The following OSBPL10 variants were observed in gnomAD, a reference collection of about 807,000 sequenced individuals.
OSBPL10 encodes the protein oxysterol binding protein like 10.
In OSBPL10, 49 loss-of-function variants were observed where a neutral mutation model predicts 81.7. The ratio of observed to expected loss-of-function variants is 0.60; its 90% CI spans 0.48 to 0.76. The LOEUF (loss-of-function observed/expected upper bound fraction) is 0.76, where lower values mean the gene tolerates loss of function less well. OSBPL10 is among the 30% of genes least tolerant of loss of function. OSBPL10 has a pLI of 0.00. For missense variants in OSBPL10, 923 were observed against 987.8 expected (o/e 0.93, Z 0.88); for synonymous variants, 419 against 383.6 (o/e 1.09, Z -1.08).
intron 3 of OSBPL10, among the ~76,000 whole-genome samples, chr3:31,854,037 G>C (rs57404809): frequency 0.016 from 2,407 of 152,152 alleles, 53 homozygotes; most frequent in African/African-American, 0.055. Flanking sequence ...TTTTGATCAA[G>C]TTTGATAGAT....
chr3:32,070,822 T>C (rs1699823356), intron 1 of OSBPL10, among the ~76,000 whole-genome samples: 1 of 152,058 alleles, frequency 6.6e-6, no homozygotes, highest in Non-Finnish European at 1.5e-5. Context: ...ATTCCGTTCT[T>C]GATCTTAAAG....
chr3:31,969,454 C>T (rs563854826), intron 1 of OSBPL10: 1 of 152,188 alleles, frequency 6.6e-6, no homozygotes, highest in South Asian at 2.1e-4. Context: ...GAACACAACC[C>T]ATGCACAGAA....
At chr3:32,032,763 T>C (rs1446713321) in intron 2 of OSBPL10, among the ~76,000 whole-genome samples, 3 of 152,226 alleles carry the variant, frequency 2.0e-5, no homozygotes, top group Non-Finnish European at 4.4e-5. Context: ...GTTTCTAGGA[T>C]AACGAATTGT....
chr3:31,955,269 T>G (rs916669117), intron 1 of OSBPL10, among the ~76,000 whole-genome samples: 2 of 152,264 alleles, frequency 1.3e-5, no homozygotes, highest in Non-Finnish European at 2.9e-5. Flanking sequence ...ATATGCCATC[T>G]GGTCTTACCA....
chr3:31,758,439 C>G (rs137855335), intron 4 of OSBPL10, among the ~76,000 whole-genome samples: 1,965 of 152,276 alleles, frequency 0.013, 29 homozygotes, highest in Non-Finnish European at 0.014. Context: ...AGGTCCAACT[C>G]CGTCTCTAAC....
intron 1 of OSBPL10, among the ~76,000 whole-genome samples, chr3:31,942,222 C>A (rs971301199): frequency 1.3e-5 from 2 of 152,018 alleles, no homozygotes; most frequent in Non-Finnish European, 2.9e-5. Flanking sequence ...TTGCAGTGAG[C>A]CGAGATGGCG....
intron 3 of OSBPL10, among the ~76,000 whole-genome samples, chr3:31,833,776 C>G (rs1268965916): frequency 6.6e-6 from 1 of 151,862 alleles, no homozygotes; most frequent in Non-Finnish European, 1.5e-5. Context: ...AATGAGGACT[C>G]TTCAGAAATC....
chr3:31,858,270 G>C (rs1700976935), intron 3 of OSBPL10, among the ~76,000 whole-genome samples: 1 of 151,956 alleles, frequency 6.6e-6, no homozygotes, highest in Non-Finnish European at 1.5e-5. Context: ...CAAAGTGCTG[G>C]GATTACAGGT....
At chr3:31,720,898 A>AAAAAC (rs1696622293) in intron 6 of OSBPL10, among the ~76,000 whole-genome samples, 1 of 151,694 alleles carries the variant, frequency 6.6e-6, no homozygotes, top group African/African-American at 2.4e-5. Context: ...AAAAAAAAAA[A>AAAAAC]AAAAAAGGCC....
chr3:31,789,792 G>A (rs565279839), intron 4 of OSBPL10, among the ~76,000 whole-genome samples: 1 of 152,258 alleles, frequency 6.6e-6, no homozygotes, highest in East Asian at 1.9e-4. Context: ...CTCTCCTTGG[G>A]GTTAGGGATC....
intron 2 of OSBPL10, among the ~76,000 whole-genome samples, chr3:32,034,996 C>T (rs907647251): frequency 6.6e-6 from 1 of 152,112 alleles, no homozygotes; most frequent in African/African-American, 2.4e-5. Context: ...AATACATGAA[C>T]ATGGGGTTTT....
chr3:31,814,765 G>A (rs1019867137), intron 4 of OSBPL10, among the ~76,000 whole-genome samples: 7 of 152,260 alleles, frequency 4.6e-5, no homozygotes, highest in African/African-American at 1.2e-4. Flanking sequence ...GTTGTACAGC[G>A]TATTAATAGA....
At chr3:31,969,290 C>G (rs1457200123) in intron 1 of OSBPL10, 1 of 152,614 alleles carries the variant, frequency 6.6e-6, no homozygotes, top group African/African-American at 2.4e-5. Flanking sequence ...CATCCATCCC[C>G]TAAACACTCA....
chr3:31,728,620 T>A (rs973351403), intron 6 of OSBPL10, among the ~76,000 whole-genome samples: 6 of 152,208 alleles, frequency 3.9e-5, no homozygotes, highest in Non-Finnish European at 7.3e-5. Context: ...CATGGATGAA[T>A]CTCAAATGCA....
At chr3:31,688,786 A>G (rs760655402) in intron 7 of OSBPL10, among the ~76,000 whole-genome samples, 3 of 152,206 alleles carry the variant, frequency 2.0e-5, no homozygotes, top group Non-Finnish European at 4.4e-5. Context: ...CACAGAATCT[A>G]GCTTATTTCA....
intron 4 of OSBPL10, among the ~76,000 whole-genome samples, chr3:31,810,995 G>C (rs1699664486): frequency 1.3e-5 from 2 of 152,198 alleles, no homozygotes; most frequent in African/African-American, 2.4e-5. Flanking sequence ...TAAGTTTCCA[G>C]GTGTCGAGGA....
chr3:31,700,250 G>A (rs745705907), intron 7 of OSBPL10: 1 of 152,152 alleles, frequency 6.6e-6, no homozygotes, highest in Admixed American at 6.5e-5. Context: ...CTGTGGCTCT[G>A]GAAATGCAAA....
At chr3:31,965,700 T>C (rs1464704541) in intron 1 of OSBPL10, among the ~76,000 whole-genome samples, 2 of 68,090 alleles carry the variant, frequency 2.9e-5, no homozygotes, top group African/African-American at 1.4e-4. Flanking sequence ...AAATATATAA[T>C]ATATTATATA....
At chr3:31,884,247 TG>T (rs1287121686) in intron 1 of OSBPL10, among the ~76,000 whole-genome samples, 1 of 152,032 alleles carries the variant, frequency 6.6e-6, no homozygotes, top group Non-Finnish European at 1.5e-5. Flanking sequence ...CTGCCTCAGA[TG>T]AAAAAAAAGA....
Sources: gnomAD v4.1 joint callset for allele counts (sites outside exome capture counted in the v4.1 genomes callset) on GRCh38, gnomAD v4.1.1 for gene constraint, MANE v1.5 for transcripts, NCBI Gene and HGNC (gene_info 2026-07-23, HGNC 2026-07-21) for gene names.